The following PIK3R1 variants were observed in gnomAD, a reference collection of about 807,000 sequenced individuals.
PIK3R1 encodes phosphoinositide-3-kinase regulatory subunit 1, also known as phosphatidylinositol 3-kinase regulatory subunit alpha.
A neutral mutation model predicts 98.0 loss-of-function variants in PIK3R1; 29 were observed. The observed-to-expected ratio is 0.30, with a 90% CI of 0.22 to 0.40. PIK3R1 has a LOEUF of 0.40. PIK3R1 is among the 10% of genes least tolerant of loss of function. PIK3R1 has a pLI of 1.00. For synonymous variants in PIK3R1, 282 were observed against 311.8 expected, an observed-to-expected ratio of 0.90 and a Z score of 1.01; for missense variants, 596 against 872.7, an observed-to-expected ratio of 0.68 and a Z score of 3.99.
At chr5:68,240,042 TTC>T in intron 2 of PIK3R1, 1 of 394,140 alleles carries the variant, frequency 2.5e-6, no homozygotes, top group Non-Finnish European at 5.1e-6. Context: ...TGGCTTGTGC[TTC>T]TTAATGTTGT....
chr5:68,294,352 C>A (rs1254413443), intron 11 of PIK3R1, among the ~76,000 whole-genome samples, 184 bp from the exon 12 acceptor site: 1 of 152,208 alleles, frequency 6.6e-6, no homozygotes, highest in African/African-American at 2.4e-5. Flanking sequence ...GCTACGCAAT[C>A]ATTTTTCATA....
Position 68,282,002 on chromosome 5 carries a change from G to T in PIK3R1, c.916+996G>T, listed in dbSNP as rs376739200. On this transcript the variant is annotated intron_variant, in intron 7 of 15. Coordinates refer to ENST00000521381, the MANE Select transcript of PIK3R1 (RefSeq NM_181523.3). ...TGCAGCAGGTAGGATAGAGGATAGG[G>T]TAGGTAAACACTGAAGATGCGGGTA... Among the ~76,000 whole-genome samples the T allele has an allele frequency of 7.2e-5, 11 of 152,290 alleles. No homozygotes were observed. In the South Asian group the frequency reaches 2.1e-3, roughly 29 times the overall value.
intron 2 of PIK3R1, among the ~76,000 whole-genome samples, chr5:68,254,886 G>A (rs781576071): frequency 4.0e-5 from 6 of 150,890 alleles, no homozygotes; most frequent in Non-Finnish European, 7.4e-5. Context: ...TTAAATCAAG[G>A]TTTCTTAAGG....
intron 2 of PIK3R1, among the ~76,000 whole-genome samples, chr5:68,246,839 G>T (rs771880650): frequency 3.9e-5 from 6 of 152,092 alleles, no homozygotes; most frequent in Non-Finnish European, 5.9e-5. Context: ...ATCCAAAATT[G>T]CAGTAGCTTA....
chr5:68,274,056 C>A, intron 4 of PIK3R1, 43 bp downstream of exon 4: 2 of 1,465,454 alleles, frequency 1.4e-6, no homozygotes, highest in Non-Finnish European at 1.9e-6. Flanking sequence ...AAAGACAGGT[C>A]TTGGCTTTCT....
chr5:68,227,913 G>C (rs1229781701), intron 2 of PIK3R1, among the ~76,000 whole-genome samples: 1 of 152,204 alleles, frequency 6.6e-6, no homozygotes, highest in Non-Finnish European at 1.5e-5. Context: ...GTCCATACTT[G>C]CGCTTCAGGC....
At chr5:68,225,253 T>A (rs2111957409) in intron 1 of PIK3R1, among the ~76,000 whole-genome samples, 1 of 152,224 alleles carries the variant, frequency 6.6e-6, no homozygotes, top group South Asian at 2.1e-4. Flanking sequence ...TTTTTTTAAC[T>A]TTTGATTTGT....
intron 2 of PIK3R1, chr5:68,239,976 T>G: frequency 2.1e-6 from 1 of 486,154 alleles, no homozygotes; most frequent in Non-Finnish European, 4.1e-6. Flanking sequence ...CTCCTGCATG[T>G]TGGAAACTGT....
At chr5:68,260,575 T>G (rs1032222240) in intron 2 of PIK3R1, among the ~76,000 whole-genome samples, 1 of 152,206 alleles carries the variant, frequency 6.6e-6, no homozygotes, top group Non-Finnish European at 1.5e-5. Context: ...TTGTAATATC[T>G]GCTCTGCCAA....
rs1210484876 is a variant in PIK3R1 at position 68,295,505 on chromosome 5, G to A, written c.1814+17G>A. On this transcript the variant is annotated intron_variant, in intron 14 of 15. Coordinates refer to ENST00000521381, the MANE Select transcript of PIK3R1 (RefSeq NM_181523.3). ...CACTGAAGAGTAAGTAGTTACTAAA[G>A]ATGGTGATAGCAGAAGATTTTTCTC... 1 of 1,601,966 alleles carries A rather than the reference G, an allele frequency of 6.2e-7. No homozygotes were observed. The highest frequency in any genetic ancestry group is 1.3e-5 in the African/African-American group (1 of 74,714).
At chr5:68,236,153 G>A (rs921949092) in intron 2 of PIK3R1, among the ~76,000 whole-genome samples, 1 of 151,780 alleles carries the variant, frequency 6.6e-6, no homozygotes, top group South Asian at 2.1e-4. Flanking sequence ...TTACCAGCGC[G>A]AGCCACCACG....
At chr5:68,285,883 C>G (rs1375831594) in intron 7 of PIK3R1, among the ~76,000 whole-genome samples, 3 of 152,132 alleles carry the variant, frequency 2.0e-5, no homozygotes, top group Non-Finnish European at 4.4e-5. Context: ...AAAAGGCCCT[C>G]TGTTCTAAGT....
At chr5:68,294,481 G>A (rs901532074) in intron 11 of PIK3R1, 55 bp from the exon 12 acceptor site, 48 of 1,375,192 alleles carry the variant, frequency 3.5e-5, no homozygotes, top group Non-Finnish European at 4.6e-5. Flanking sequence ...GTGTCTTGCA[G>A]TAAGAGATTG....
intron 7 of PIK3R1, among the ~76,000 whole-genome samples, chr5:68,284,131 G>T (rs1481588060): frequency 6.7e-6 from 1 of 150,292 alleles, no homozygotes; most frequent in Non-Finnish European, 1.5e-5. Context: ...TTGGGTTAAT[G>T]CCTCTCTCCT....
chr5:68,272,648 G>A (rs1283284217), intron 2 of PIK3R1, among the ~76,000 whole-genome samples: 1 of 152,084 alleles, frequency 6.6e-6, no homozygotes, highest in Non-Finnish European at 1.5e-5. Flanking sequence ...ATTGTAAATG[G>A]TTAAAACGCA....
chr5:68,237,599 A>G (rs1561263939), intron 2 of PIK3R1, among the ~76,000 whole-genome samples: 1 of 152,016 alleles, frequency 6.6e-6, no homozygotes, highest in Non-Finnish European at 1.5e-5. Flanking sequence ...CCCATTGAAA[A>G]AAAAAAAAAA....
At chr5:68,220,035 G>A (rs1744038450) in intron 1 of PIK3R1, among the ~76,000 whole-genome samples, 1 of 152,076 alleles carries the variant, frequency 6.6e-6, no homozygotes, top group African/African-American at 2.4e-5. Flanking sequence ...TACTATGTTG[G>A]CATTAATTAT....
At chr5:68,283,922 A>C (rs1746961931) in intron 7 of PIK3R1, among the ~76,000 whole-genome samples, 2 of 152,254 alleles carry the variant, frequency 1.3e-5, no homozygotes, top group African/African-American at 4.8e-5. Flanking sequence ...AACTAAAAAT[A>C]TGTGAAATTA....
chr5:68,252,966 C>T (rs1184687222), intron 2 of PIK3R1, among the ~76,000 whole-genome samples: 1 of 152,134 alleles, frequency 6.6e-6, no homozygotes, highest in African/African-American at 2.4e-5. Flanking sequence ...CCAGATGGCA[C>T]CTGACACAGT....
Sources: gnomAD v4.1 joint callset for allele counts (sites outside exome capture counted in the v4.1 genomes callset) on GRCh38, gnomAD v4.1.1 for gene constraint, MANE v1.5 for transcripts, NCBI Gene and HGNC (gene_info 2026-07-23, HGNC 2026-07-21) for gene names.